The following MSH6 variants were observed in gnomAD, a reference collection of about 807,000 sequenced individuals.
MSH6 encodes DNA mismatch repair protein Msh6.
In MSH6, 85 loss-of-function variants were observed where a neutral mutation model predicts 119.1. The observed-to-expected ratio is 0.71, with a 90% confidence interval of 0.60 to 0.85. The LOEUF is 0.85. Among genes scored for constraint, MSH6 ranks in the 40% least tolerant of loss-of-function variants. The pLI is 0.00. For missense variants in MSH6, 2,163 were observed against 1,655.3 expected (o/e 1.31, Z -5.32); for synonymous variants, 830 against 586.9 (o/e 1.41, Z -5.99).
rs757025193 is a variant in MSH6, at chr2:47,783,440, G to C, written c.207G>C (p.Ala69=). ...CGCGCTCCGCGTCACCGCCCAAGGC[G>C]AAGAACCTCAACGGAGGGCTGCGGA... ...PLARSASPPK[A]KNLNGGLRRS... is the part of the protein sequence containing the mutation. Residue 69 remains alanine, a synonymous_variant, in exon 1 of 10, where the codon GCG becomes GCC. Coordinates refer to ENST00000234420, the MANE Select transcript of MSH6 (RefSeq NM_000179.3). The C allele has an allele frequency of 6.7e-7, 1 of 1,498,662 alleles. No homozygotes were observed. The highest frequency in any genetic ancestry group is 1.4e-5 in the African/African-American group (1 of 69,226). 92.8% of individuals were successfully genotyped at this position (1,498,662 alleles called of 1,614,324 possible).
chr2:47,795,547 C>T (rs1669029556), intron 2 of MSH6, among the ~76,000 whole-genome samples: 1 of 150,646 alleles, frequency 6.6e-6, no homozygotes, highest in Non-Finnish European at 1.5e-5. Flanking sequence ...CTCACTGCAA[C>T]CTCTGCCTCC....
rs1441208044 is a variant in MSH6 at position 47,795,980 on chromosome 2, G to A, written c.544G>A (p.Ala182Thr). ...GAGAGCAATGCAACGTGCAGATGAAGCCTTAAATAAAGACAAGATTAAGAG... is the reference window on the plus strand; with the variant it reads ...GAGAGCAATGCAACGTGCAGATGAAACCTTAAATAAAGACAAGATTAAGAG... Reference protein sequence around the residue: ...ILRAMQRADEALNKDKIKRLE... With the variant: ...ILRAMQRADETLNKDKIKRLE... Residue 182 changes from alanine to threonine, a missense_variant, in exon 3 of 10, where the codon GCC becomes ACC. Ala to Thr is a moderately conservative substitution (Grantham distance 58, BLOSUM62 0). Transcript: ENST00000234420. 2 of 1,614,016 alleles carry A rather than the reference G, an allele frequency of 1.2e-6. No homozygotes were observed. Among genetic ancestry groups the A allele is most frequent in the African/African-American group, 2.7e-5 (2 of 74,904 alleles).
intron 1 of MSH6, chr2:47,789,525 G>A: frequency 2.4e-6 from 1 of 423,052 alleles, no homozygotes; most frequent in Non-Finnish European, 4.8e-6. Flanking sequence ...TAAAGCATGA[G>A]ACCTCATACA....
Position 47,791,257 on chromosome 2 carries a change from C to A in MSH6, c.457+134C>A. ...TACCCCAGTAAATTGCAAGGGGTGG[C>A]AGTTGTGAAAGCTTCTGGCATGGGA... On this transcript the variant is annotated intron_variant, in intron 2 of 9. Transcript: ENST00000234420. 5 of 811,566 alleles carry A rather than the reference C, an allele frequency of 6.2e-6. No individual in the cohort carries two copies. The South Asian group carries it at 7.9e-5, about 13-fold the overall frequency. 50.3% of individuals were successfully genotyped at this position (811,566 alleles called of 1,614,324 possible). A position where few individuals can be genotyped will look rare whatever the true frequency, so the allele number is the denominator to read the frequency against.
At position 47,803,482 on chromosome 2, in the gene MSH6, A is replaced by C. The variant is rs587779933; in HGVS notation, c.3235A>C (p.Ile1079Leu). ...TGATGGTCCTATGTGTCGCCCAGTA[A>C]TTCTGTTGCCGGAAGATACCCCCCC... is the stretch of plus-strand genomic sequence containing the variant. ...GGDGPMCRPV[I>L]LLPEDTPPFL... Residue 1079 changes from isoleucine to leucine, a missense_variant, in exon 5 of 10, where the codon ATT becomes CTT. Coordinates refer to ENST00000234420, the MANE Select transcript of MSH6 (RefSeq NM_000179.3). 1.9e-6 allele frequency: 3 copies of C among 1,614,108 alleles called. No homozygotes were observed. Among genetic ancestry groups the C allele is most frequent in the Non-Finnish European group, 2.5e-6 (3 of 1,180,042 alleles).
intron 3 of MSH6, among the ~76,000 whole-genome samples, chr2:47,796,310 C>G (rs1669088114): frequency 6.6e-6 from 1 of 151,962 alleles, no homozygotes; most frequent in African/African-American, 2.4e-5. Context: ...AGAGGTAGTA[C>G]CATTTTGGTA....
In MSH6 at chr2:47,806,135, T is replaced by TTTTG. The variant is rs1213826539; in HGVS notation, c.3647-65_3647-62dup. ...CGATGTTGCTTTTCTGTCCTAGCAT[T>TTTTG]TTTGTTTTAATTCCTTTTTTGTTTT... On this transcript the variant is annotated intron_variant, in intron 7 of 9. Coordinates refer to ENST00000234420, the MANE Select transcript of MSH6 (RefSeq NM_000179.3). 5 of 1,202,144 alleles carry TTTTG rather than the reference T, an allele frequency of 4.2e-6. No individual in the cohort carries two copies. In the African/African-American group the frequency reaches 4.9e-5, roughly 12 times the overall value. The allele number at this position is 1,202,144 out of a possible 1,614,324, so 74.5% of individuals were successfully genotyped here.
At chr2:47,808,860 T>C (rs6717284), downstream of MSH6, 720 of 284,524 alleles carry the variant, frequency 2.5e-3, 6 homozygotes, top group African/African-American at 0.014. Flanking sequence ...TCCATAGTTA[T>C]GGTCTTTGTT....
At position 47,791,075 on chromosome 2, in the gene MSH6, A is replaced by G. The variant is rs2104109164; in HGVS notation, c.409A>G (p.Ser137Gly). The change falls in exon 2 of 10, where the codon AGC becomes GGC. Residue 137 changes from serine (S) to glycine (G), a missense_variant. By Grantham distance (56) the Ser-to-Gly change is moderately conservative (BLOSUM62 0). Coordinates refer to ENST00000234420, the MANE Select transcript of MSH6 (RefSeq NM_000179.3). ...TGTTCATGTACAGTTTTTTGATGAC[A>G]GCCCAACAAGGGGCTGGGTTAGCAA... is the stretch of plus-strand genomic sequence containing the variant. ...VRVHVQFFDD[S>G]PTRGWVSKRL... 1 of 1,614,220 alleles carries G rather than the reference A, an allele frequency of 6.2e-7. No individual in the cohort carries two copies. Among genetic ancestry groups the G allele is most frequent in the Non-Finnish European group, 8.5e-7 (1 of 1,180,034 alleles).
rs730881813 is a variant in MSH6 at position 47,795,968 on chromosome 2, C to A, written c.532C>A (p.Arg178Ser). The A allele has an allele frequency of 1.2e-6, 2 of 1,614,058 alleles. No homozygotes were observed. Among genetic ancestry groups the A allele is most frequent in the South Asian group, 1.1e-5 (1 of 91,072 alleles). ...AKPEILRAMQ[R>S]ADEALNKDKI... ...GCCTGAAATACTGAGAGCAATGCAA[C>A]GTGCAGATGAAGCCTTAAATAAAGA... Residue 178 changes from arginine (R) to serine (S), a missense_variant, in exon 3 of 10, where the codon CGT (arginine) becomes AGT (serine). Arg to Ser is a moderately radical substitution (Grantham distance 110). Transcript: ENST00000234420.
chr2:47,808,854 T>C (rs17036971), downstream of MSH6: 112 of 271,796 alleles, frequency 4.1e-4, no homozygotes, highest in Non-Finnish European at 3.2e-4. Context: ...GGTTTTTCCA[T>C]AGTTATGGTC....
At chr2:47,804,358 T>G (rs997295410) in intron 5 of MSH6, among the ~76,000 whole-genome samples, 4 of 152,154 alleles carry the variant, frequency 2.6e-5, no homozygotes, top group Non-Finnish European at 5.9e-5. Flanking sequence ...CTTGTAAAGT[T>G]TTTTATATTT....
chr2:47,784,064 C>T (rs1668193974), intron 1 of MSH6: 5 of 1,011,038 alleles, frequency 4.9e-6, no homozygotes, highest in South Asian at 4.7e-5. Flanking sequence ...TTAAGAGCCG[C>T]GGTCGCCGAG....
At chr2:47,786,356 C>G (rs1452384184) in intron 1 of MSH6, among the ~76,000 whole-genome samples, 2 of 148,568 alleles carry the variant, frequency 1.3e-5, no homozygotes, top group Non-Finnish European at 3.0e-5. Flanking sequence ...TTTTTTGAGA[C>G]GGAATTTCAC....
chr2:47,799,925 A>G lies in MSH6; in HGVS notation c.1942A>G (p.Ser648Gly), dbSNP rs965228819. 1 of 1,614,206 alleles carries G rather than the reference A, an allele frequency of 6.2e-7. No individual in the cohort carries two copies. The highest frequency in any genetic ancestry group is 1.1e-5 in the South Asian group (1 of 91,080). Residue 648 changes from serine (S) to glycine (G), a missense_variant, in exon 4 of 10, where the codon AGT (serine) becomes GGT (glycine). By Grantham distance (56) the Ser-to-Gly change is moderately conservative (BLOSUM62 0). Coordinates refer to ENST00000234420, the MANE Select transcript of MSH6 (RefSeq NM_000179.3). ...GGAAGAATATTTTAGGGAAAAGCTA[A>G]GTGATGGCATTGGGGTGATGTTACC... ...LEEEYFREKL[S>G]DGIGVMLPQV...
At chr2:47,804,813 G>C in intron 5 of MSH6, 97 bp from the exon 6 acceptor site, 2 of 896,344 alleles carry the variant, frequency 2.2e-6, no homozygotes, top group Non-Finnish European at 3.8e-6. Context: ...AGTTGTTTTA[G>C]AGTGCCTAGC....
chr2:47,801,016 TGAAAA>T lies in MSH6; in HGVS notation c.3037_3041del (p.Lys1013ValfsTer3), dbSNP rs587782712. The T allele has an allele frequency of 6.4e-7, 1 of 1,572,982 alleles. No individual in the cohort carries two copies. The highest frequency in any genetic ancestry group is 8.6e-7 in the Non-Finnish European group (1 of 1,161,136). ...GTAAACGATACTGGACCAAAACTAT[TGAAAA>T]GAAGTTGGCTAATCTCATAAATGCT... is the stretch of plus-strand genomic sequence containing the variant. On this transcript the variant is annotated frameshift_variant, in exon 4 of 10. Coordinates refer to ENST00000234420, the MANE Select transcript of MSH6 (RefSeq NM_000179.3). LOFTEE classifies it high-confidence loss of function.
chr2:47,801,376 T>TTTTG (rs1553330567), intron 4 of MSH6: 7 of 482,968 alleles, frequency 1.4e-5, no homozygotes, highest in African/African-American at 1.3e-4. Context: ...TTTTTTTTTT[T>TTTTG]TTTTTTTTTT....
chr2:47,788,101 C>T (rs566696108), intron 1 of MSH6, among the ~76,000 whole-genome samples: 11 of 152,226 alleles, frequency 7.2e-5, no homozygotes, highest in Admixed American at 1.3e-4. Context: ...TTTTTTGACT[C>T]AGAAACCAGT....
Sources: gnomAD v4.1 joint callset for allele counts (sites outside exome capture counted in the v4.1 genomes callset) on GRCh38, gnomAD v4.1.1 for gene constraint, MANE v1.5 for transcripts, NCBI Gene and HGNC (gene_info 2026-07-23, HGNC 2026-07-21) for gene names.